MAP3K2: variants seen among roughly 807,000 people sequenced by gnomAD.
MAP3K2 encodes mitogen-activated protein kinase kinase kinase 2, also known as MAP/ERK kinase kinase 2.
Under a neutral mutation model 80.3 loss-of-function variants are expected in MAP3K2, and 24 were observed. The observed-to-expected ratio is 0.30, with a 90% CI of 0.22 to 0.42. The LOEUF (loss-of-function observed/expected upper bound fraction) is 0.42, where lower values mean the gene tolerates loss of function less well. MAP3K2 is among the 10% of genes least tolerant of loss of function. The pLI, the probability that MAP3K2 is intolerant of heterozygous loss-of-function variation, is 1.00. For synonymous variants in MAP3K2, 244 were observed against 253.7 expected, an observed-to-expected ratio of 0.96 and a Z score of 0.36; for missense variants, 608 against 750.1, an observed-to-expected ratio of 0.81 and a Z score of 2.21.
At position 127,300,989 on chromosome 2, in the gene MAP3K2, C is replaced by A. The variant is rs1052036918; in HGVS notation, c.*6590G>T. The A allele has an allele frequency of 4.6e-5, 7 of 152,058 alleles. No homozygotes were observed. Among genetic ancestry groups the A allele is most frequent in the Non-Finnish European group, 8.8e-5 (6 of 67,978 alleles). The allele number at this position is 152,058 out of a possible 1,614,324, so 9.4% of individuals were successfully genotyped here. On this transcript the variant is annotated 3_prime_UTR_variant, in exon 17 of 17. Coordinates refer to ENST00000682094, the MANE Select transcript of MAP3K2 (RefSeq NM_001371910.2). ...TACATATGCTTTTAAAAAATAAATT[C>A]TAAAAAAATATTTAAAAAGAAGTGA... is the stretch of plus-strand genomic sequence containing the variant.
intron 1 of MAP3K2, among the ~76,000 whole-genome samples, chr2:127,372,499 T>A (rs1458402215): frequency 6.6e-6 from 1 of 152,122 alleles, no homozygotes; most frequent in Non-Finnish European, 1.5e-5. Flanking sequence ...CTTGGGTCAC[T>A]CAGAAACAAA....
intron 5 of MAP3K2, among the ~76,000 whole-genome samples, chr2:127,331,444 C>G (rs113348642): frequency 6.6e-6 from 1 of 152,138 alleles, no homozygotes; most frequent in South Asian, 2.1e-4. Context: ...AGTATAAATT[C>G]TTTGAAGACA....
chr2:127,299,003 A>G lies in MAP3K2; in HGVS notation c.*8576T>C, dbSNP rs1029942710. 1 of 152,206 alleles carries G rather than the reference A, an allele frequency of 6.6e-6. No homozygotes were observed. The highest frequency in any genetic ancestry group is 1.5e-5 in the Non-Finnish European group (1 of 68,032). 9.4% of individuals were successfully genotyped at this position (152,206 alleles called of 1,614,324 possible). On this transcript the variant is annotated 3_prime_UTR_variant, in exon 17 of 17. Transcript: ENST00000682094. ...AAAAAACAAGTACCTAGAAATTATA[A>G]AACTCAGAAATTGTATACATTTTTA...
chr2:127,375,478 G>T (rs1687137163), intron 1 of MAP3K2, among the ~76,000 whole-genome samples: 1 of 151,058 alleles, frequency 6.6e-6, no homozygotes, highest in Admixed American at 6.6e-5. Flanking sequence ...GGTGCGATCT[G>T]GGCTCACTGC....
intron 1 of MAP3K2, among the ~76,000 whole-genome samples, chr2:127,348,808 T>C (rs1488473828): frequency 6.6e-6 from 1 of 152,170 alleles, no homozygotes; most frequent in African/African-American, 2.4e-5. Flanking sequence ...GCTGGTTCTA[T>C]GAATAACTAG....
At chr2:127,323,354 C>T (rs926535355) in intron 11 of MAP3K2, among the ~76,000 whole-genome samples, 15 of 148,724 alleles carry the variant, frequency 1.0e-4, no homozygotes, top group Admixed American at 1.0e-3. Context: ...GAGTGAGACT[C>T]TGTCTCAGGG....
rs775708807 is a variant in MAP3K2, at chr2:127,318,311, CG to C, written c.1051del (p.Arg351GlufsTer50). ...MDISPPSRSP[R>X]APTNWRLGKL... ...GCCCAATCTCCAGTTGGTCGGAGCT[CG>C]AGGTGCTGAAAAAGAACACTTTCTT... On this transcript the variant is annotated frameshift_variant, in exon 13 of 17. Coordinates refer to ENST00000682094, the MANE Select transcript of MAP3K2 (RefSeq NM_001371910.2). LOFTEE classifies it high-confidence loss of function. 6.3e-7 allele frequency: 1 copy of C among 1,583,006 alleles called. No individual in the cohort carries two copies.
chr2:127,308,996 C>T (rs935501712), intron 15 of MAP3K2, among the ~76,000 whole-genome samples: 2 of 151,964 alleles, frequency 1.3e-5, no homozygotes, highest in East Asian at 1.9e-4. Context: ...GGACCTAGGA[C>T]GTTTCTATTG....
chr2:127,377,108 T>G lies in MAP3K2; in HGVS notation c.-66+10344A>C, dbSNP rs188264015. On this transcript the variant is annotated intron_variant, in intron 1 of 16. Coordinates refer to ENST00000682094, the MANE Select transcript of MAP3K2 (RefSeq NM_001371910.2). ...TGAAAATACCCAATGTTCACTCTAT[T>G]CATTTTAAGAAATTAAAATAAATAC... Among the ~76,000 whole-genome samples the G allele has an allele frequency of 2.8e-4, 42 of 152,258 alleles. 1 individual carries two copies. The highest frequency in any genetic ancestry group is 2.5e-3 in the Admixed American group (38 of 15,288).
chr2:127,384,147 G>A (rs1450518415), intron 1 of MAP3K2, among the ~76,000 whole-genome samples: 15 of 150,626 alleles, frequency 1.0e-4, no homozygotes, highest in African/African-American at 2.4e-4. Flanking sequence ...TGCCCGCCTC[G>A]GCCTCCCAAA....
At chr2:127,318,805 A>G (rs911519312) in intron 12 of MAP3K2, among the ~76,000 whole-genome samples, 2 of 152,200 alleles carry the variant, frequency 1.3e-5, no homozygotes, top group Admixed American at 1.3e-4. Context: ...GCAACCAACT[A>G]ACCTGAAATC....
In MAP3K2 at chr2:127,339,142, A is replaced by G. The variant is rs1428532257; in HGVS notation, c.5-92T>C. The G allele has an allele frequency of 1.3e-6, 1 of 751,542 alleles. No homozygotes were observed. Among genetic ancestry groups the G allele is most frequent in the Non-Finnish European group, 2.2e-6 (1 of 458,994 alleles). The allele number at this position is 751,542 out of a possible 1,614,324, so 46.6% of individuals were successfully genotyped here. A position where few individuals can be genotyped will look rare whatever the true frequency, so the allele number is the denominator to read the frequency against. ...CATCAAACACAAAATTTAAAATAAAATTTGATGTAGAGAATGTATTAATGC... is the reference window on the plus strand; with the variant it reads ...CATCAAACACAAAATTTAAAATAAAGTTTGATGTAGAGAATGTATTAATGC... On this transcript the variant is annotated intron_variant, in intron 2 of 16. Transcript: ENST00000682094. The surrounding 1 kb of genome is among the most constrained non-coding windows in gnomAD (Gnocchi z 4.2).
At position 127,375,187 on chromosome 2, in the gene MAP3K2, G is replaced by A. The variant is rs1040397533; in HGVS notation, c.-66+12265C>T. Among the ~76,000 whole-genome samples the A allele has an allele frequency of 1.1e-4, 17 of 151,864 alleles. No individual in the cohort carries two copies. The East Asian group carries it at 1.5e-3, about 14-fold the overall frequency. ...TCTTTGTATTCCAGCATAATGCATCGAACCATACCATGGTGTGGCTAGGAC... is the reference window on the plus strand; with the variant it reads ...TCTTTGTATTCCAGCATAATGCATCAAACCATACCATGGTGTGGCTAGGAC... On this transcript the variant is annotated intron_variant, in intron 1 of 16. Transcript: ENST00000682094.
intron 1 of MAP3K2, among the ~76,000 whole-genome samples, chr2:127,374,143 G>A (rs1687112404): frequency 1.3e-5 from 2 of 152,092 alleles, no homozygotes; most frequent in Non-Finnish European, 2.9e-5. Context: ...GCTGAGATTG[G>A]AGCCTTAATA....
At chr2:127,385,705 GA>G (rs1288588892) in intron 1 of MAP3K2, among the ~76,000 whole-genome samples, 2 of 152,160 alleles carry the variant, frequency 1.3e-5, no homozygotes, top group Non-Finnish European at 2.9e-5. Context: ...GAGGTGGGGG[GA>G]AATAGCTCCA....
At chr2:127,329,353 G>T (rs1372724260) in intron 7 of MAP3K2, among the ~76,000 whole-genome samples, 1 of 136,388 alleles carries the variant, frequency 7.3e-6, no homozygotes. Flanking sequence ...CATTCTATTT[G>T]TACAATTAAA....
chr2:127,366,819 A>AT (rs1686979250), intron 1 of MAP3K2, among the ~76,000 whole-genome samples: 4 of 149,010 alleles, frequency 2.7e-5, no homozygotes, highest in Admixed American at 6.7e-5. Context: ...CTAAGGCTCA[A>AT]TGCTTACTAT....
chr2:127,388,044 C>T (rs972925482), upstream of MAP3K2: 2 of 983,094 alleles, frequency 2.0e-6, no homozygotes, highest in South Asian at 9.4e-5. Flanking sequence ...CCGGCGGTAG[C>T]GGAACCCGCC....
chr2:127,318,361 C>T, intron 12 of MAP3K2, 44 bp from the exon 13 acceptor site: 1 of 1,485,400 alleles, frequency 6.7e-7, no homozygotes, highest in East Asian at 2.4e-5. Context: ...AAACAGCACA[C>T]AAATAAATGG....
Sources: allele counts gnomAD v4.1 joint callset (sites outside exome capture counted in the v4.1 genomes callset), GRCh38; gene constraint gnomAD v4.1.1; non-coding constraint Gnocchi (gnomAD v3.1); transcripts MANE v1.5; gene names NCBI Gene and HGNC (gene_info 2026-07-23, HGNC 2026-07-21).